Variants in LHFPL3 observed in about 807,000 individuals in gnomAD.
LHFPL3 encodes LHFPL tetraspan subfamily member 3.
A neutral mutation model predicts 19.3 loss-of-function variants in LHFPL3; 5 were observed. The observed-to-expected ratio is 0.26, with a 90% CI of 0.14 to 0.54. The LOEUF (loss-of-function observed/expected upper bound fraction) is 0.54. Ranked by LOEUF, LHFPL3 falls within the 20% of genes least tolerant of loss-of-function variation. LHFPL3 has a pLI of 0.94. For missense variants in LHFPL3, 249 were observed against 307.4 expected, an observed-to-expected ratio of 0.81 and a Z score of 1.42; for synonymous variants, 133 against 126.2, an observed-to-expected ratio of 1.05 and a Z score of -0.36.
chr7:104,568,002 G>T (rs986281683), intron 1 of LHFPL3, among the ~76,000 whole-genome samples: 1 of 152,124 alleles, frequency 6.6e-6, no homozygotes, highest in Admixed American at 6.5e-5. Context: ...CCATGCTGTA[G>T]GTTCAAAGAT....
At chr7:104,734,523 C>T (rs537865430) in intron 1 of LHFPL3, among the ~76,000 whole-genome samples, 1 of 152,344 alleles carries the variant, frequency 6.6e-6, no homozygotes, top group Admixed American at 6.5e-5. Flanking sequence ...GCTACTGAAG[C>T]TTGTGCATTC....
At chr7:104,810,497 C>T (rs10046556) in intron 2 of LHFPL3, among the ~76,000 whole-genome samples, 4,285 of 152,166 alleles carry the variant, frequency 0.028, 185 homozygotes, top group African/African-American at 0.095. Context: ...GTCATTCTCC[C>T]GCTGTACTTT....
At chr7:104,515,575 T>C (rs1467127194) in intron 1 of LHFPL3, among the ~76,000 whole-genome samples, 1 of 152,166 alleles carries the variant, frequency 6.6e-6, no homozygotes, top group African/African-American at 2.4e-5. Context: ...TTTGCTGTTA[T>C]TCATGGGGTT....
chr7:104,803,608 T>C (rs1790298278), intron 2 of LHFPL3: 1 of 152,228 alleles, frequency 6.6e-6, no homozygotes, highest in Non-Finnish European at 1.5e-5. Context: ...TCTCCTGGGA[T>C]GAAACCACTC....
intron 2 of LHFPL3, among the ~76,000 whole-genome samples, chr7:104,805,403 T>C (rs1239102836): frequency 6.6e-6 from 1 of 152,210 alleles, no homozygotes; most frequent in Non-Finnish European, 1.5e-5. Flanking sequence ...GTAGTCCTTG[T>C]TAATGGCCAA....
chr7:104,809,654 G>A (rs1028218033), intron 2 of LHFPL3, among the ~76,000 whole-genome samples: 6 of 152,048 alleles, frequency 3.9e-5, no homozygotes, highest in East Asian at 1.9e-4. Context: ...TATAACATAC[G>A]ATTTTTATAA....
chr7:104,775,930 A>G (rs554045995), intron 2 of LHFPL3, among the ~76,000 whole-genome samples: 24 of 150,774 alleles, frequency 1.6e-4, no homozygotes, highest in African/African-American at 5.9e-4. Flanking sequence ...TTCCATGTGT[A>G]CTCTCTAAAA....
Position 104,399,636 on chromosome 7 carries a change from ATTTTT to A in LHFPL3, c.445+70425_445+70429del, listed in dbSNP as rs1196165566. ...GCCACCACACCGGGCTAAGTTTTGC[ATTTTT>A]TTTTTTTTTTTTGGTAGAGACGGGG... On this transcript the variant is annotated intron_variant, in intron 1 of 2. Transcript: ENST00000424859. This position sits in a 1 kb window ranked among gnomAD's most constrained non-coding sequence, Gnocchi z 4.4. Among the ~76,000 whole-genome samples, 15 of 123,036 alleles carry A rather than the reference ATTTTT, an allele frequency of 1.2e-4. No homozygotes were observed. In the East Asian group the frequency reaches 3.7e-3, roughly 30 times the overall value. The allele number at this position is 123,036 out of a possible 152,430, so 80.7% of individuals were successfully genotyped here. A position where few individuals can be genotyped will look rare whatever the true frequency, so the allele number is the denominator to read the frequency against.
chr7:104,778,656 CCT>C (rs1039225749), intron 2 of LHFPL3, among the ~76,000 whole-genome samples: 2 of 152,214 alleles, frequency 1.3e-5, no homozygotes, highest in Non-Finnish European at 2.9e-5. Context: ...CTCACTTTCC[CCT>C]CGCACTATCA....
At chr7:104,817,167 G>T (rs144002565) in intron 2 of LHFPL3, among the ~76,000 whole-genome samples, 1 of 152,122 alleles carries the variant, frequency 6.6e-6, no homozygotes, top group African/African-American at 2.4e-5. Context: ...TGCTCAGCGC[G>T]GGCTACGTTG....
intron 1 of LHFPL3, among the ~76,000 whole-genome samples, chr7:104,733,959 T>A (rs1208470791): frequency 6.6e-6 from 1 of 152,174 alleles, no homozygotes; most frequent in Admixed American, 6.5e-5. Flanking sequence ...TGTAAAGGAT[T>A]TTATTTCTCC....
rs936479250 is a variant in LHFPL3 at position 104,908,538 on chromosome 7, A to G, written c.*2323A>G. Among the ~76,000 whole-genome samples the G allele has an allele frequency of 2.6e-5, 4 of 152,244 alleles. No individual in the cohort carries two copies. Among genetic ancestry groups the G allele is most frequent in the Admixed American group, 2.0e-4 (3 of 15,286 alleles). On this transcript the variant is annotated 3_prime_UTR_variant, in exon 3 of 3. Transcript: ENST00000424859. ...TTTCTGTAAAAAAATAAAAATAAAA[A>G]TAAGATTTTGTTACTTAAAAGAATT...
At chr7:104,690,220 G>T in intron 1 of LHFPL3, among the ~76,000 whole-genome samples, 1 of 152,250 alleles carries the variant, frequency 6.6e-6, no homozygotes, top group East Asian at 1.9e-4. Context: ...AGTTGCAGCT[G>T]CTGTACCAGA....
intron 1 of LHFPL3, among the ~76,000 whole-genome samples, chr7:104,433,538 C>T (rs923454946): frequency 1.3e-5 from 2 of 152,134 alleles, no homozygotes; most frequent in Admixed American, 6.5e-5. Context: ...CTTGTCTCTG[C>T]CCATCTCTCC....
intron 1 of LHFPL3, among the ~76,000 whole-genome samples, chr7:104,700,010 A>G (rs566868169): frequency 1.3e-5 from 2 of 152,242 alleles, no homozygotes; most frequent in African/African-American, 4.8e-5. Context: ...TCATTCACCA[A>G]TTTAGAAGTC....
At chr7:104,867,803 G>A (rs1267382624) in intron 2 of LHFPL3, among the ~76,000 whole-genome samples, 2 of 152,172 alleles carry the variant, frequency 1.3e-5, no homozygotes, top group Non-Finnish European at 2.9e-5. Flanking sequence ...CAATATCCCT[G>A]ATGAACATCG....
At chr7:104,700,701 T>A (rs986943622) in intron 1 of LHFPL3, among the ~76,000 whole-genome samples, 2 of 152,230 alleles carry the variant, frequency 1.3e-5, no homozygotes, top group African/African-American at 4.8e-5. Flanking sequence ...GTTAATGGAT[T>A]CACTTTTCTT....
At chr7:104,718,545 C>T (rs1463722992) in intron 1 of LHFPL3, among the ~76,000 whole-genome samples, 1 of 152,176 alleles carries the variant, frequency 6.6e-6, no homozygotes, top group Non-Finnish European at 1.5e-5. Flanking sequence ...GACTTTCCCT[C>T]AGCATCGTGG....
chr7:104,449,438 A>G (rs1484267286), intron 1 of LHFPL3, among the ~76,000 whole-genome samples: 2 of 152,218 alleles, frequency 1.3e-5, no homozygotes, highest in Non-Finnish European at 2.9e-5. Flanking sequence ...TACTTTATTT[A>G]TAAGTAAATA....
Sources: gnomAD v4.1 joint callset for allele counts (sites outside exome capture counted in the v4.1 genomes callset) on GRCh38, gnomAD v4.1.1 for gene constraint, Gnocchi (gnomAD v3.1) non-coding constraint, MANE v1.5 for transcripts, NCBI Gene and HGNC (gene_info 2026-07-23, HGNC 2026-07-21) for gene names.